Variants in ETV4 observed in about 807,000 individuals in gnomAD.
The protein encoded by ETV4 is ETS translocation variant 4.
Under a neutral mutation model 65.9 loss-of-function variants are expected in ETV4, and 42 were observed. The observed-to-expected ratio is 0.64, with a 90% CI of 0.50 to 0.82. The LOEUF (loss-of-function observed/expected upper bound fraction) is 0.82, where lower values mean the gene tolerates loss of function less well. ETV4 is among the 40% of genes least tolerant of loss of function. The pLI is 0.00. For missense variants in ETV4, 583 were observed against 630.3 expected, an observed-to-expected ratio of 0.92 and a Z score of 0.80; for synonymous variants, 238 against 260.0, an observed-to-expected ratio of 0.92 and a Z score of 0.81.
intron 5 of ETV4, 107 bp downstream of exon 5, chr17:43,536,319 C>T (rs1459569624): frequency 2.0e-6 from 2 of 992,066 alleles, no homozygotes; most frequent in African/African-American, 1.6e-5. Context: ...TCAAACCCCA[C>T]TGTGTTTTAG....
intron 4 of ETV4, among the ~76,000 whole-genome samples, chr17:43,538,388 G>A (rs1971352958): frequency 6.6e-6 from 1 of 152,186 alleles, no homozygotes; most frequent in Non-Finnish European, 1.5e-5. Context: ...AGAAGGCAAA[G>A]GACACTGGCT....
intron 2 of ETV4, 23 bp downstream of exon 2, chr17:43,545,535 G>A (rs1414994800): frequency 9.1e-6 from 14 of 1,544,970 alleles, no homozygotes; most frequent in African/African-American, 1.4e-5. Flanking sequence ...CGGGGCGGGC[G>A]TGGAGGCCGG....
chr17:43,545,445 A>C (rs1217171247), intron 2 of ETV4, 78 bp from the exon 3 acceptor site: 1 of 1,431,044 alleles, frequency 7.0e-7, no homozygotes, highest in Non-Finnish European at 9.4e-7. Flanking sequence ...TCCTCGGGTG[A>C]CTCAGGGGCG....
In ETV4 at chr17:43,528,450, C is replaced by T; in HGVS notation, c.*69G>A. 1 of 1,107,360 alleles carries T rather than the reference C, an allele frequency of 9.0e-7. No individual in the cohort carries two copies. Among genetic ancestry groups the T allele is most frequent in the Non-Finnish European group, 1.3e-6 (1 of 776,040 alleles). The allele number at this position is 1,107,360 out of a possible 1,614,324, so 68.6% of individuals were successfully genotyped here. On this transcript the variant is annotated 3_prime_UTR_variant, in exon 13 of 13. Coordinates refer to ENST00000319349, the MANE Select transcript of ETV4 (RefSeq NM_001079675.5). ...TGTGGGTTTCAGATGAAGGTTTCCC[C>T]AACACCAGATTCATTTATATGTACA... is the stretch of plus-strand genomic sequence containing the variant.
Position 43,528,486 on chromosome 17 carries a change from C to T in ETV4, c.*33G>A, listed in dbSNP as rs1459826937. The T allele has an allele frequency of 6.9e-7, 1 of 1,453,578 alleles. No individual in the cohort carries two copies. Among genetic ancestry groups the T allele is most frequent in the Non-Finnish European group, 9.5e-7 (1 of 1,052,112 alleles). The allele number at this position is 1,453,578 out of a possible 1,614,324, so 90.0% of individuals were successfully genotyped here. On this transcript the variant is annotated 3_prime_UTR_variant, in exon 13 of 13. Coordinates refer to ENST00000319349, the MANE Select transcript of ETV4 (RefSeq NM_001079675.5). ...TCATTTATATGTACACAGGGCAGCA[C>T]CCACCTGCGGCAGGGGGAACAGCCG...
chr17:43,538,527 C>G (rs1971358945), intron 4 of ETV4, among the ~76,000 whole-genome samples: 1 of 152,148 alleles, frequency 6.6e-6, no homozygotes, highest in Non-Finnish European at 1.5e-5. Flanking sequence ...GGCAGGAAAA[C>G]TGAAATACAG....
intron 4 of ETV4, among the ~76,000 whole-genome samples, chr17:43,542,234 C>T (rs1971562511): frequency 6.6e-6 from 1 of 152,090 alleles, no homozygotes; most frequent in Non-Finnish European, 1.5e-5. Flanking sequence ...AATCCATACA[C>T]CTTTATGTAT....
At position 43,535,575 on chromosome 17, in the gene ETV4, C is replaced by T. The variant is rs547302242; in HGVS notation, c.256+851G>A. Among the ~76,000 whole-genome samples the T allele has an allele frequency of 2.4e-3, 367 of 152,286 alleles. 2 individuals carry two copies. Among genetic ancestry groups the T allele is most frequent in the African/African-American group, 8.5e-3 (354 of 41,556 alleles). ...TACAGGCGTGAGCCACCACACCCAG[C>T]CTAAAGCAGGGTTTCTCAACAGTGG... On this transcript the variant is annotated intron_variant, in intron 5 of 12. Transcript: ENST00000319349.
Position 43,527,893 on chromosome 17 carries a change from TG to T in ETV4, c.*625del, listed in dbSNP as rs754054447. 3 of 231,798 alleles carry T rather than the reference TG, an allele frequency of 1.3e-5. No homozygotes were observed. The highest frequency in any genetic ancestry group is 2.6e-5 in the Non-Finnish European group (3 of 117,302). The allele number at this position is 231,798 out of a possible 1,614,324, so 14.4% of individuals were successfully genotyped here. A position where few individuals can be genotyped will look rare whatever the true frequency, so the allele number is the denominator to read the frequency against. On this transcript the variant is annotated 3_prime_UTR_variant, in exon 13 of 13. Coordinates refer to ENST00000319349, the MANE Select transcript of ETV4 (RefSeq NM_001079675.5). Reference sequence around the variant, plus strand: ...TAAGGTCTGGCAGATGTGGTGGAGGTGGAAGTACAAACCCAGGCCTGGGCCT... The same window carrying T: ...TAAGGTCTGGCAGATGTGGTGGAGGTGAAGTACAAACCCAGGCCTGGGCCT...
In ETV4 at chr17:43,533,220, G is replaced by C; in HGVS notation, c.512C>G (p.Pro171Arg). The C allele has an allele frequency of 3.1e-6, 5 of 1,614,040 alleles. No individual in the cohort carries two copies. The highest frequency in any genetic ancestry group is 1.1e-5 in the South Asian group (1 of 91,074). The change falls in exon 7 of 13, where the codon CCC becomes CGC. Residue 171 changes from proline (P) to arginine (R), a missense_variant. Physicochemically the swap from Pro to Arg is moderately radical, Grantham distance 103. Transcript: ENST00000319349. ...CCCGAGGTACCCATGGCCAGGGTGG[G>C]GCTGGGAGGTGCCAGAGGATCTCAG... ...NFLRSSGTSQ[P>R]HPGHGYLGEH...
Position 43,545,022 on chromosome 17 carries a change from T to A in ETV4, c.155A>T (p.Asp52Val). The change falls in exon 4 of 13, where the codon GAT (aspartate) becomes GTT (valine). Residue 52 changes from aspartate to valine, a missense_variant and splice_region_variant. By Grantham distance (152) the Asp-to-Val change is radical. Transcript: ENST00000319349. ...PGSLPPLDSE[D>V]LFQDLSHFQE... ...GAAGTGACTTAGATCCTGGAAGAGA[T>A]CTGAGGGGTAAATAGTGGAATTGGA... The A allele has an allele frequency of 6.2e-7, 1 of 1,613,714 alleles. No individual in the cohort carries two copies. The highest frequency in any genetic ancestry group is 8.5e-7 in the Non-Finnish European group (1 of 1,179,816).
At chr17:43,544,945 C>G in intron 4 of ETV4, 30 bp downstream of exon 4, 1 of 1,611,818 alleles carries the variant, frequency 6.2e-7, no homozygotes, top group Non-Finnish European at 8.5e-7. Flanking sequence ...TCCAGCCTCC[C>G]AAAATAGAAA....
chr17:43,533,658 G>A (rs1183685635), intron 6 of ETV4, among the ~76,000 whole-genome samples: 1 of 152,130 alleles, frequency 6.6e-6, no homozygotes, highest in Non-Finnish European at 1.5e-5. Context: ...TCTGGCCTCA[G>A]TATATATTCC....
Sources: gnomAD v4.1 joint callset for allele counts (sites outside exome capture counted in the v4.1 genomes callset) on GRCh38, gnomAD v4.1.1 for gene constraint, MANE v1.5 for transcripts, NCBI Gene and HGNC (gene_info 2026-07-23, HGNC 2026-07-21) for gene names.